FAM167A: variants seen among roughly 807,000 people sequenced by gnomAD.
FAM167A encodes the protein protein FAM167A.
A neutral mutation model predicts 14.9 loss-of-function variants in FAM167A; 23 were observed. The ratio of observed to expected loss-of-function variants is 1.55; its 90% CI spans 1.11 to 2.19. The LOEUF (loss-of-function observed/expected upper bound fraction) is 2.19, where lower values mean the gene tolerates loss of function less well. Ranked by LOEUF, FAM167A falls within the 30% of genes most tolerant of loss-of-function variation. FAM167A has a pLI of 0.00. For synonymous variants in FAM167A, 174 were observed against 117.7 expected, an observed-to-expected ratio of 1.48 and a Z score of -3.10; for missense variants, 401 against 281.5, an observed-to-expected ratio of 1.42 and a Z score of -3.04.
rs57215593 is a variant in FAM167A, at chr8:11,422,373, GGTGTGTGTGTGTGTGTGTGTGT to G, written c.*1978_*1999del. 4 of 120,196 alleles carry G rather than the reference GGTGTGTGTGTGTGTGTGTGTGT, an allele frequency of 3.3e-5. No homozygotes were observed. Among genetic ancestry groups the G allele is most frequent in the Non-Finnish European group, 7.2e-5 (4 of 55,330 alleles). The allele number at this position is 120,196 out of a possible 1,614,324, so 7.4% of individuals were successfully genotyped here. A position where few individuals can be genotyped will look rare whatever the true frequency, so the allele number is the denominator to read the frequency against. ...TCTCTGTCGTGTGTGTGTGTGTGGG[GGTGTGTGTGTGTGTGTGTGTGT>G]GTGTGTGTGTAGGTCAGCCCGAGAC... On this transcript the variant is annotated 3_prime_UTR_variant, in exon 3 of 3. Coordinates refer to ENST00000284486, the MANE Select transcript of FAM167A (RefSeq NM_053279.3).
At chr8:11,449,529 C>T (rs910000211) in intron 1 of FAM167A, among the ~76,000 whole-genome samples, 14 of 152,160 alleles carry the variant, frequency 9.2e-5, no homozygotes, top group Non-Finnish European at 5.9e-5. Context: ...TAACCTGGGT[C>T]GTTCCTAGGG....
At chr8:11,438,082 C>T (rs1425899819) in intron 2 of FAM167A, 2 of 454,310 alleles carry the variant, frequency 4.4e-6, no homozygotes, top group Non-Finnish European at 8.9e-6. Flanking sequence ...TCCACCTTGG[C>T]CTCACCCCAC....
intron 2 of FAM167A, 42 bp downstream of exon 2, chr8:11,443,983 ACGGTGG>A: frequency 1.3e-6 from 2 of 1,565,514 alleles, no homozygotes; most frequent in Non-Finnish European, 1.7e-6. Flanking sequence ...ACACAGAGAG[ACGGTGG>A]CATCTCCTCT....
intron 2 of FAM167A, among the ~76,000 whole-genome samples, chr8:11,441,483 A>G (rs1563372809): frequency 2.0e-5 from 3 of 152,214 alleles, no homozygotes; most frequent in Admixed American, 1.3e-4. Context: ...TTGGCAGTCA[A>G]TGCTCTGAGA....
In FAM167A at chr8:11,421,889, C is replaced by T. The variant is rs554832582; in HGVS notation, c.*2484G>A. 8.9e-4 allele frequency: 355 copies of T among 398,586 alleles called. No homozygotes were observed. The highest frequency in any genetic ancestry group is 1.3e-3 in the Non-Finnish European group (296 of 226,094). The allele number at this position is 398,586 out of a possible 1,614,324, so 24.7% of individuals were successfully genotyped here. A position where few individuals can be genotyped will look rare whatever the true frequency, so the allele number is the denominator to read the frequency against. ...TGCTGACTCATAGACCCACAGAGAG[C>T]AGGGACTTCACAAAGCTGAATTAAT... On this transcript the variant is annotated 3_prime_UTR_variant, in exon 3 of 3. Transcript: ENST00000284486.
chr8:11,443,336 GA>G (rs1806552463), intron 2 of FAM167A, among the ~76,000 whole-genome samples: 1 of 152,218 alleles, frequency 6.6e-6, no homozygotes, highest in East Asian at 1.9e-4. Flanking sequence ...CTATGAGCAG[GA>G]AAGTGACCGC....
chr8:11,425,301 AGAG>A (rs1399276849), intron 2 of FAM167A, among the ~76,000 whole-genome samples: 2 of 152,182 alleles, frequency 1.3e-5, no homozygotes, highest in African/African-American at 4.8e-5. Context: ...CACAGCTTAT[AGAG>A]GAGGACACAG....
At position 11,444,615 on chromosome 8, in the gene FAM167A, G is replaced by C. The variant is rs938524483; in HGVS notation, c.-204C>G. The C allele has an allele frequency of 7.3e-7, 1 of 1,378,392 alleles. No homozygotes were observed. Among genetic ancestry groups the C allele is most frequent in the African/African-American group, 1.5e-5 (1 of 67,758 alleles). The allele number at this position is 1,378,392 out of a possible 1,614,324, so 85.4% of individuals were successfully genotyped here. A position where few individuals can be genotyped will look rare whatever the true frequency, so the allele number is the denominator to read the frequency against. On this transcript the variant is annotated 5_prime_UTR_variant, in exon 2 of 3. Coordinates refer to ENST00000284486, the MANE Select transcript of FAM167A (RefSeq NM_053279.3). ...GTGAGCCGCACAGGGCGCCCTCCTG[G>C]AGGCTCGGGTCTATGATCCGTCCTG...
At chr8:11,433,599 G>T (rs1408357007) in intron 2 of FAM167A, among the ~76,000 whole-genome samples, 1 of 152,174 alleles carries the variant, frequency 6.6e-6, no homozygotes, top group Non-Finnish European at 1.5e-5. Flanking sequence ...AACCAGAGGC[G>T]AAAGAGTGCG....
chr8:11,470,052 G>C (rs536400935), upstream of FAM167A, among the ~76,000 whole-genome samples: 1 of 152,364 alleles, frequency 6.6e-6, no homozygotes, highest in East Asian at 1.9e-4. Context: ...TAGTGAACAA[G>C]TTAGATGAAG....
chr8:11,431,917 A>AAAAAAAAAAAAAG (rs752330983), intron 2 of FAM167A, among the ~76,000 whole-genome samples: 1 of 99,498 alleles, frequency 1.0e-5, no homozygotes, highest in Non-Finnish European at 2.0e-5. Context: ...AAAAAAAAAA[A>AAAAAAAAAAAAAG]AAGGATTTTG....
intron 2 of FAM167A, among the ~76,000 whole-genome samples, chr8:11,425,337 G>A (rs988249221): frequency 2.0e-5 from 3 of 152,128 alleles, no homozygotes; most frequent in African/African-American, 7.2e-5. Flanking sequence ...GGAATTAGCT[G>A]TGTCGGCTCA....
At chr8:11,444,835 G>GTCCC (rs2117091308) in intron 1 of FAM167A, 27 bp from the exon 2 acceptor site, 1 of 994,824 alleles carries the variant, frequency 1.0e-6, no homozygotes, top group South Asian at 4.6e-5. Flanking sequence ...AACCGCATCA[G>GTCCC]TCCCGATCCC....
At position 11,424,786 on chromosome 8, in the gene FAM167A, A is replaced by G. The variant is rs1805020742; in HGVS notation, c.382-150T>C. On this transcript the variant is annotated intron_variant, in intron 2 of 2. Transcript: ENST00000284486. ...CACTTTCCCTGCTCAGGGAGGTGAA[A>G]AGACACAGAAAGCAAGGTGACAAAT... The G allele has an allele frequency of 2.5e-6, 3 of 1,203,222 alleles. No homozygotes were observed. The South Asian group carries it at 4.7e-5, about 19-fold the overall frequency. 74.5% of individuals were successfully genotyped at this position (1,203,222 alleles called of 1,614,324 possible).
chr8:11,429,337 T>G (rs903669196), intron 2 of FAM167A, among the ~76,000 whole-genome samples: 1 of 152,208 alleles, frequency 6.6e-6, no homozygotes, highest in Non-Finnish European at 1.5e-5. Context: ...GCTGGTCCTG[T>G]GTGGAGTTAG....
intron 2 of FAM167A, among the ~76,000 whole-genome samples, chr8:11,426,664 G>T (rs1805185982): frequency 6.6e-6 from 1 of 152,164 alleles, no homozygotes; most frequent in Non-Finnish European, 1.5e-5. Flanking sequence ...GTGGATACTG[G>T]GGGAAGAGGA....
intron 1 of FAM167A, among the ~76,000 whole-genome samples, chr8:11,473,610 G>C (rs1486522610): frequency 6.6e-6 from 1 of 152,176 alleles, no homozygotes; most frequent in Non-Finnish European, 1.5e-5. Flanking sequence ...ATCCTGGCCA[G>C]GGAGGTGGGG....
intron 2 of FAM167A, among the ~76,000 whole-genome samples, chr8:11,435,866 CTT>C (rs1319789318): frequency 6.6e-6 from 1 of 152,260 alleles, no homozygotes; most frequent in Non-Finnish European, 1.5e-5. Flanking sequence ...TATCCACACA[CTT>C]TGTACAGGAC....
intron 2 of FAM167A, among the ~76,000 whole-genome samples, chr8:11,439,869 T>C (rs1303000163): frequency 6.6e-6 from 1 of 152,128 alleles, no homozygotes; most frequent in Non-Finnish European, 1.5e-5. Flanking sequence ...CCTGCTCCCC[T>C]GTGCTGAGTG....
Sources: allele counts gnomAD v4.1 joint callset (sites outside exome capture counted in the v4.1 genomes callset), GRCh38; gene constraint gnomAD v4.1.1; transcripts MANE v1.5; gene names NCBI Gene and HGNC (gene_info 2026-07-23, HGNC 2026-07-21).